MYO19: variants seen among roughly 807,000 people sequenced by gnomAD.
MYO19 encodes the protein myosin XIX, also known as unconventional myosin-XIX.
MYO19 carries 132 observed loss-of-function variants against 129.2 expected under a neutral mutation model. The observed-to-expected ratio is 1.02, with a 90% CI of 0.89 to 1.18. MYO19 has a LOEUF of 1.18. Among genes scored for constraint, MYO19 ranks in the 50% most tolerant of loss-of-function variants. The pLI is 0.00. For synonymous variants in MYO19, 531 were observed against 477.2 expected (o/e 1.11, Z -1.47); for missense variants, 1,210 against 1,216.7 (o/e 0.99, Z 0.08).
chr17:36,535,034 G>A (rs2074053041), upstream of MYO19: 1 of 152,340 alleles, frequency 6.6e-6, no homozygotes, highest in Non-Finnish European at 1.5e-5. Flanking sequence ...CGCCTGGTCC[G>A]GCTTGCTGGC....
intron 6 of MYO19, among the ~76,000 whole-genome samples, chr17:36,517,295 T>A (rs1459459361): frequency 6.6e-6 from 1 of 152,218 alleles, no homozygotes; most frequent in Admixed American, 6.5e-5. Context: ...AAAGTCTTGC[T>A]GTCACCCAGG....
chr17:36,498,934 G>A, intron 24 of MYO19, 141 bp downstream of exon 24: 1 of 661,990 alleles, frequency 1.5e-6, no homozygotes, highest in Non-Finnish European at 2.7e-6. Context: ...CTGCATACAT[G>A]AGGAATATGA....
chr17:36,509,785 G>C (rs2142008879), intron 13 of MYO19: 1 of 152,758 alleles, frequency 6.5e-6, no homozygotes, highest in South Asian at 2.1e-4. Flanking sequence ...TTTGCAACAG[G>C]GGCTGTGCAA....
At chr17:36,516,763 G>A (rs929701240) in intron 6 of MYO19, among the ~76,000 whole-genome samples, 3 of 152,236 alleles carry the variant, frequency 2.0e-5, no homozygotes, top group Non-Finnish European at 2.9e-5. Flanking sequence ...CTAGGACATA[G>A]AAATACACTG....
upstream of MYO19, chr17:36,537,547 T>C: frequency 6.2e-7 from 1 of 1,614,218 alleles, no homozygotes; most frequent in South Asian, 1.1e-5. Context: ...GCTGTGGACT[T>C]CCCACTTTTT....
At chr17:36,539,527 A>G (rs183418411), upstream of MYO19, among the ~76,000 whole-genome samples, 223 of 152,200 alleles carry the variant, frequency 1.5e-3, no homozygotes, top group African/African-American at 5.2e-3. Context: ...TAATCCTAGC[A>G]CTTTGGGAGG....
intron 11 of MYO19, 48 bp downstream of exon 11, chr17:36,513,381 C>G: frequency 6.2e-7 from 1 of 1,613,834 alleles, no homozygotes; most frequent in Non-Finnish European, 8.5e-7. Flanking sequence ...ATGCAAAGGG[C>G]TGCCCGTCAT....
At chr17:36,525,149 G>C (rs1744842464) in intron 6 of MYO19, 79 bp downstream of exon 6, 3 of 1,051,518 alleles carry the variant, frequency 2.9e-6, no homozygotes, top group Admixed American at 3.6e-5. Flanking sequence ...ACTCCACAAG[G>C]AAGGCCAAGG....
At chr17:36,543,725 A>G (rs2074215087), upstream of MYO19, among the ~76,000 whole-genome samples, 1 of 152,094 alleles carries the variant, frequency 6.6e-6, no homozygotes, top group Non-Finnish European at 1.5e-5. Flanking sequence ...CCCGGGTTCA[A>G]GTGATTGTCC....
At chr17:36,503,888 A>T in intron 20 of MYO19, 62 bp downstream of exon 20, 1 of 1,361,262 alleles carries the variant, frequency 7.3e-7, no homozygotes. Flanking sequence ...CTCTTGCCCA[A>T]TGAGAGTCCT....
chr17:36,506,503 G>T lies in MYO19; in HGVS notation c.1750C>A (p.Pro584Thr). ...NPKEKTQEEP[P>T]GQSRAPVLTV... ...AACACAGGGGCCCTGCTCTGGCCAG[G>T]GGGTTCCTCCTGGGTCTTCTCTTTG... The change falls in exon 18 of 26, where the codon CCT becomes ACT. Residue 584 changes from proline to threonine, a missense_variant. By Grantham distance (38) the Pro-to-Thr change is conservative (BLOSUM62 -1). Coordinates refer to ENST00000614623, the MANE Select transcript of MYO19 (RefSeq NM_001163735.2). 1 of 1,611,170 alleles carries T rather than the reference G, an allele frequency of 6.2e-7. No individual in the cohort carries two copies.
At chr17:36,544,375 C>T (rs558390075), upstream of MYO19, among the ~76,000 whole-genome samples, 7 of 152,296 alleles carry the variant, frequency 4.6e-5, no homozygotes, top group East Asian at 5.8e-4. Flanking sequence ...CTCTTCCCAC[C>T]GTGGGAAGCG....
chr17:36,540,445 A>G (rs1190542657), intron 2 of MYO19, among the ~76,000 whole-genome samples: 1 of 148,398 alleles, frequency 6.7e-6, no homozygotes, highest in Non-Finnish European at 1.5e-5. Context: ...GTCTTGGTTC[A>G]CTACAACCTC....
At chr17:36,526,132 C>T (rs2073450909) in intron 5 of MYO19, among the ~76,000 whole-genome samples, 1 of 152,208 alleles carries the variant, frequency 6.6e-6, no homozygotes, top group South Asian at 2.1e-4. Flanking sequence ...CCTGCCCTTG[C>T]CCCAGCCACC....
intron 11 of MYO19, among the ~76,000 whole-genome samples, chr17:36,511,888 CT>C (rs2072355152): frequency 6.6e-6 from 1 of 152,182 alleles, no homozygotes; most frequent in African/African-American, 2.4e-5. Context: ...TCCTTGAGCC[CT>C]TTCCCACTGT....
intron 3 of MYO19, among the ~76,000 whole-genome samples, chr17:36,530,813 GT>G (rs1041665481): frequency 6.6e-6 from 1 of 152,076 alleles, no homozygotes; most frequent in Non-Finnish European, 1.5e-5. Flanking sequence ...TAGAAATGGG[GT>G]TTTGCCATGT....
chr17:36,522,022 T>A (rs2073157602), intron 6 of MYO19, among the ~76,000 whole-genome samples: 1 of 81,460 alleles, frequency 1.2e-5, no homozygotes, highest in Non-Finnish European at 2.5e-5. Context: ...AGAGCAAGAC[T>A]GTCTTTAAAA....
At position 36,498,434 on chromosome 17, in the gene MYO19, G is replaced by A. The variant is rs1189940704; in HGVS notation, c.2589C>T (p.Leu863=). Reference sequence around the variant, plus strand: ...TGGCCAGGACCAGTCCCAGGGGCCAGAGGCGGATTATTGCCTCCAGGAGCC... The same window carrying A: ...TGGCCAGGACCAGTCCCAGGGGCCAAAGGCGGATTATTGCCTCCAGGAGCC... ...QTRLLEAIIR[L]WPLGLVLANT... Residue 863 remains leucine (L), a synonymous_variant, in exon 25 of 26, where the codon CTC becomes CTT. Coordinates refer to ENST00000614623, the MANE Select transcript of MYO19 (RefSeq NM_001163735.2). The A allele has an allele frequency of 3.1e-6, 5 of 1,614,048 alleles. No individual in the cohort carries two copies. The highest frequency in any genetic ancestry group is 1.1e-5 in the South Asian group (1 of 91,090).
Position 36,507,799 on chromosome 17 carries a change from T to G in MYO19, c.1353+4A>C. 6.2e-7 allele frequency: 1 copy of G among 1,605,904 alleles called. No individual in the cohort carries two copies. The highest frequency in any genetic ancestry group is 8.5e-7 in the Non-Finnish European group (1 of 1,175,018). On this transcript the variant is annotated splice_donor_region_variant and intron_variant, in intron 15 of 25. Coordinates refer to ENST00000614623, the MANE Select transcript of MYO19 (RefSeq NM_001163735.2). ...ACCTGCCTCCTGCTCACCCCATCCC[T>G]CACCTGCTGGGCCCTTAGGTAGTGA... is the stretch of plus-strand genomic sequence containing the variant.
Sources: gnomAD v4.1 joint callset for allele counts (sites outside exome capture counted in the v4.1 genomes callset) on GRCh38, gnomAD v4.1.1 for gene constraint, MANE v1.5 for transcripts, NCBI Gene and HGNC (gene_info 2026-07-23, HGNC 2026-07-21) for gene names.